Variants in UBAP2 observed in about 807,000 individuals in gnomAD.
The protein encoded by UBAP2 is ubiquitin-associated protein 2.
Under a neutral mutation model 139.6 loss-of-function variants are expected in UBAP2, and 75 were observed. That is an observed-to-expected ratio of 0.54 (90% CI 0.45 to 0.65). The LOEUF (loss-of-function observed/expected upper bound fraction) is 0.65, where lower values mean the gene tolerates loss of function less well. Ranked by LOEUF, UBAP2 falls within the 30% of genes least tolerant of loss-of-function variation. UBAP2 has a pLI of 0.00. For missense variants in UBAP2, 1,368 were observed against 1,369.6 expected (o/e 1.00, Z 0.02); for synonymous variants, 526 against 526.2 (o/e 1.00, Z 0.01).
At chr9:33,974,935 A>G (rs1436996792) in intron 6 of UBAP2, among the ~76,000 whole-genome samples, 3 of 137,842 alleles carry the variant, frequency 2.2e-5, no homozygotes, top group Admixed American at 7.2e-5. Flanking sequence ...GAGACTAAAA[A>G]AAAAGGGGGG....
chr9:33,939,970 AAAT>A (rs1362224514), intron 16 of UBAP2, among the ~76,000 whole-genome samples: 12 of 119,992 alleles, frequency 1.0e-4, no homozygotes, highest in East Asian at 2.8e-4. Flanking sequence ...GAAGAAGAAA[AAAT>A]AAGGTAGGAG....
chr9:33,950,091 A>G (rs556912613), intron 12 of UBAP2, among the ~76,000 whole-genome samples: 25 of 152,184 alleles, frequency 1.6e-4, no homozygotes, highest in African/African-American at 5.5e-4. Flanking sequence ...TTTTTGAGAC[A>G]GTCTCGCTCT....
chr9:33,926,881 A>C, intron 21 of UBAP2, 108 bp downstream of exon 21: 1 of 1,151,470 alleles, frequency 8.7e-7, no homozygotes. Context: ...TCAGGGATGG[A>C]AGGGCAGCTC....
chr9:33,957,034 A>G (rs545379743), intron 10 of UBAP2, among the ~76,000 whole-genome samples: 1 of 151,858 alleles, frequency 6.6e-6, no homozygotes, highest in South Asian at 2.1e-4. Context: ...GGCTGCCGTG[A>G]GCCATGATCA....
chr9:33,970,804 T>C (rs915816230), intron 8 of UBAP2, among the ~76,000 whole-genome samples: 1 of 152,086 alleles, frequency 6.6e-6, no homozygotes, highest in Non-Finnish European at 1.5e-5. Context: ...TGTTTTTCGT[T>C]TTTGTTGTCA....
At chr9:33,928,563 C>T (rs1823687284) in intron 19 of UBAP2, 1 of 152,692 alleles carries the variant, frequency 6.5e-6, no homozygotes, top group South Asian at 2.1e-4. Flanking sequence ...TCACCAGTGC[C>T]CACCTAAAAG....
chr9:33,978,713 G>T (rs1178257298), intron 6 of UBAP2, among the ~76,000 whole-genome samples: 1 of 152,094 alleles, frequency 6.6e-6, no homozygotes, highest in African/African-American at 2.4e-5. Context: ...CCAGGAGGGG[G>T]AGCGTGCAAT....
rs752822424 is a variant in UBAP2, at chr9:33,953,273, A to G, written c.1056+12T>C. 8.7e-6 allele frequency: 14 copies of G among 1,606,800 alleles called. No individual in the cohort carries two copies. The highest frequency in any genetic ancestry group is 6.7e-5 in the East Asian group (3 of 44,794). ...TTTCTTAAAATCCCACACTGAAATA[A>G]AAGTGAGTTACCAGGCTCTGAGGAG... On this transcript the variant is annotated intron_variant, in intron 12 of 28. Coordinates refer to ENST00000379238, the MANE Select transcript of UBAP2 (RefSeq NM_001370062.2).
intron 2 of UBAP2, among the ~76,000 whole-genome samples, chr9:34,014,324 C>CAAAAAAA (rs1170182976): frequency 3.6e-5 from 2 of 55,676 alleles, no homozygotes; most frequent in Non-Finnish European, 6.0e-5. Context: ...GAGACTGTCT[C>CAAAAAAA]AAAAAAAAAA....
At chr9:33,968,551 A>G in intron 8 of UBAP2, 1 of 398,636 alleles carries the variant, frequency 2.5e-6, no homozygotes, top group South Asian at 2.3e-5. Context: ...TCAGGCTCAA[A>G]TCCCACGTGC....
chr9:34,029,394 T>C (rs1825688478), intron 1 of UBAP2, among the ~76,000 whole-genome samples: 1 of 150,698 alleles, frequency 6.6e-6, no homozygotes, highest in Admixed American at 6.6e-5. Context: ...CTGGATGTGG[T>C]GGCGGGTACC....
chr9:34,011,024 G>C (rs1219483589), intron 2 of UBAP2, among the ~76,000 whole-genome samples: 2 of 152,018 alleles, frequency 1.3e-5, no homozygotes. Context: ...CTTGAAAACT[G>C]CCTGAGAACA....
rs57202118 is a variant in UBAP2 at position 33,930,895 on chromosome 9, CAAAAAAAAA to C, written c.2175+1658_2175+1666del. Among the ~76,000 whole-genome samples the C allele has an allele frequency of 4.8e-4, 35 of 73,232 alleles. No homozygotes were observed. The East Asian group carries it at 7.2e-3, about 15-fold the overall frequency. The allele number at this position is 73,232 out of a possible 152,430, so 48.0% of individuals were successfully genotyped here. On this transcript the variant is annotated intron_variant, in intron 19 of 28. Transcript: ENST00000379238. ...TAGGCGACAGAGTGAGACTGCATCTCAAAAAAAAAAAAAAAAAAAAAAAGCGGATGATAA... is the reference window on the plus strand; with the variant it reads ...TAGGCGACAGAGTGAGACTGCATCTCAAAAAAAAAAAAAAGCGGATGATAA...
rs770885388 is a variant in UBAP2 at position 34,018,164 on chromosome 9, TA to T, written c.-41-976del. 8.1e-3 allele frequency among the ~76,000 whole-genome samples: 1,125 copies of T among 138,236 alleles called. 4 individuals carry two copies. Among genetic ancestry groups the T allele is most frequent in the African/African-American group, 0.018 (690 of 37,842 alleles). The allele number at this position is 138,236 out of a possible 152,430, so 90.7% of individuals were successfully genotyped here. A position where few individuals can be genotyped will look rare whatever the true frequency, so the allele number is the denominator to read the frequency against. ...CTGTAAGAACAACTCCACCTCAATT[TA>T]AAAAAAAAAAAAAATTATAACCATA... is the stretch of plus-strand genomic sequence containing the variant. On this transcript the variant is annotated intron_variant, in intron 1 of 28. Coordinates refer to ENST00000379238, the MANE Select transcript of UBAP2 (RefSeq NM_001370062.2).
chr9:34,009,125 A>T (rs1823518353), intron 2 of UBAP2, among the ~76,000 whole-genome samples: 1 of 151,356 alleles, frequency 6.6e-6, no homozygotes, highest in African/African-American at 2.4e-5. Context: ...TTTGAGACAG[A>T]ATCTTGCTCT....
chr9:33,960,815 C>T lies in UBAP2; in HGVS notation c.798+11G>A. On this transcript the variant is annotated intron_variant, in intron 10 of 28. Transcript: ENST00000379238. ...AAAAAAGAAAGGTCTCATCTGACAG[C>T]AAACACTTACATCTTCAGTCCAGTC... The T allele has an allele frequency of 6.2e-7, 1 of 1,611,518 alleles. No homozygotes were observed. Among genetic ancestry groups the T allele is most frequent in the Non-Finnish European group, 8.5e-7 (1 of 1,178,758 alleles).
Position 33,972,461 on chromosome 9 carries a change from T to C in UBAP2, c.576-707A>G, listed in dbSNP as rs115635990. On this transcript the variant is annotated intron_variant, in intron 7 of 28. Coordinates refer to ENST00000379238, the MANE Select transcript of UBAP2 (RefSeq NM_001370062.2). ...AAAGGAGCTTAGGCAGAAGGCAGAT[T>C]GCATGAGGCACCACTACTTCTAGAA... 8.5e-3 allele frequency among the ~76,000 whole-genome samples: 1,289 copies of C among 152,330 alleles called. 21 individuals are homozygous for C. The highest frequency in any genetic ancestry group is 0.025 in the African/African-American group (1,059 of 41,574).
intron 6 of UBAP2, among the ~76,000 whole-genome samples, chr9:33,978,368 T>G (rs1820342616): frequency 6.6e-6 from 1 of 152,062 alleles, no homozygotes. Context: ...GAGCCCCTTC[T>G]CTACCTTAAA....
At chr9:34,028,003 A>C (rs187030653) in intron 1 of UBAP2, among the ~76,000 whole-genome samples, 7 of 151,632 alleles carry the variant, frequency 4.6e-5, no homozygotes, top group Non-Finnish European at 8.8e-5. Flanking sequence ...ATCCAATTCC[A>C]TGCAGCTCAA....
Sources: gnomAD v4.1 joint callset for allele counts (sites outside exome capture counted in the v4.1 genomes callset) on GRCh38, gnomAD v4.1.1 for gene constraint, MANE v1.5 for transcripts, NCBI Gene and HGNC (gene_info 2026-07-23, HGNC 2026-07-21) for gene names.